Variants in NCBP3 observed in about 807,000 individuals in gnomAD.
The protein encoded by NCBP3 is nuclear cap-binding protein subunit 3.
A neutral mutation model predicts 75.7 loss-of-function variants in NCBP3; 20 were observed. The observed-to-expected ratio is 0.26, with a 90% CI of 0.19 to 0.38. The LOEUF (loss-of-function observed/expected upper bound fraction) is 0.38, where lower values mean the gene tolerates loss of function less well. Ranked by LOEUF, NCBP3 falls within the 10% of genes least tolerant of loss-of-function variation. The probability of loss-of-function intolerance (pLI) is 1.00; values close to 1 mark genes in which losing one functional copy is unlikely to be tolerated. For missense variants in NCBP3, 678 were observed against 796.9 expected (o/e 0.85, Z 1.80); for synonymous variants, 293 against 290.5 (o/e 1.01, Z -0.09).
At chr17:3,845,238 T>C (rs1597419776) in intron 1 of NCBP3, among the ~76,000 whole-genome samples, 1 of 152,228 alleles carries the variant, frequency 6.6e-6, no homozygotes, top group South Asian at 2.1e-4. Flanking sequence ...CTAGCGATCA[T>C]ACTTTAACCT....
Position 3,803,478 on chromosome 17 carries a change from T to G in NCBP3, c.*9566A>C, listed in dbSNP as rs149729305. 2.6e-3 allele frequency: 391 copies of G among 152,340 alleles called. No homozygotes were observed. Among genetic ancestry groups the G allele is most frequent in the African/African-American group, 8.9e-3 (370 of 41,566 alleles). 9.4% of individuals were successfully genotyped at this position (152,340 alleles called of 1,614,324 possible). A position where few individuals can be genotyped will look rare whatever the true frequency, so the allele number is the denominator to read the frequency against. ...TTACACATTTCCTGAATTTGAGAAC[T>G]GTACCATGGGCATGTGAGAGGCTGT... On this transcript the variant is annotated 3_prime_UTR_variant, in exon 13 of 13. Transcript: ENST00000389005.
chr17:3,814,525 T>C (rs768403223), intron 11 of NCBP3, 42 bp from the exon 12 acceptor site: 1 of 1,606,034 alleles, frequency 6.2e-7, no homozygotes, highest in East Asian at 2.2e-5. Context: ...GTGTGTGTGC[T>C]TTATGCTCGG....
intron 3 of NCBP3, among the ~76,000 whole-genome samples, chr17:3,835,623 C>T (rs974078830): frequency 6.6e-6 from 1 of 152,230 alleles, no homozygotes; most frequent in African/African-American, 2.4e-5. Context: ...AATAAAGTTG[C>T]CTGTCTCATA....
intron 1 of NCBP3, among the ~76,000 whole-genome samples, chr17:3,845,489 G>A (rs1380372018): frequency 2.6e-5 from 4 of 151,954 alleles, no homozygotes; most frequent in Non-Finnish European, 5.9e-5. Flanking sequence ...CACGGTGTAG[G>A]TGTCACTGGA....
At chr17:3,814,267 A>G in intron 12 of NCBP3, 55 bp downstream of exon 12, 1 of 1,569,100 alleles carries the variant, frequency 6.4e-7, no homozygotes, top group Admixed American at 1.8e-5. Context: ...CAATACACCC[A>G]CTGTCCTCTG....
intron 4 of NCBP3, among the ~76,000 whole-genome samples, chr17:3,826,785 A>G (rs1030410178): frequency 4.6e-5 from 7 of 152,006 alleles, no homozygotes; most frequent in Admixed American, 3.9e-4. Flanking sequence ...AGGCCGAGCC[A>G]GGCGGATCAC....
intron 6 of NCBP3, 77 bp downstream of exon 6, chr17:3,825,690 T>G: frequency 1.9e-6 from 2 of 1,032,564 alleles, no homozygotes; most frequent in Non-Finnish European, 2.9e-6. Flanking sequence ...CGTAACTAAG[T>G]CTTTAAGGCT....
chr17:3,840,285 G>A (rs1289857457), intron 2 of NCBP3, 80 bp from the exon 3 acceptor site: 16 of 1,131,366 alleles, frequency 1.4e-5, no homozygotes, highest in Admixed American at 2.1e-5. Flanking sequence ...ATGCATCAGT[G>A]ACAAACCTGA....
chr17:3,826,998 C>A (rs1038644352), intron 4 of NCBP3, among the ~76,000 whole-genome samples: 2 of 130,150 alleles, frequency 1.5e-5, no homozygotes, highest in East Asian at 2.2e-4. Flanking sequence ...GGCGACAGAG[C>A]GAGACTCTGT....
At position 3,840,855 on chromosome 17, in the gene NCBP3, C is replaced by T. The variant is rs1597415596; in HGVS notation, c.250-650G>A. ...TGTCCACGGAATCACCAGTTTTCAT[C>T]TCTAAGTGATAAGAACCATTGACAC... On this transcript the variant is annotated intron_variant, in intron 2 of 12. Coordinates refer to ENST00000389005, the MANE Select transcript of NCBP3 (RefSeq NM_001114118.3). Among the ~76,000 whole-genome samples, 3 of 152,364 alleles carry T rather than the reference C, an allele frequency of 2.0e-5. No individual in the cohort carries two copies. In the South Asian group the frequency reaches 6.2e-4, roughly 32 times the overall value.
At chr17:3,824,030 A>AG (rs1441438339) in intron 7 of NCBP3, 3 of 152,178 alleles carry the variant, frequency 2.0e-5, no homozygotes, top group Non-Finnish European at 4.4e-5. Flanking sequence ...TTTCAGCTTA[A>AG]GGGGGACTAA....
chr17:3,813,090 A>G lies in NCBP3; in HGVS notation c.1817T>C (p.Ile606Thr). ...AGAGCTGCTTTCCCGACTAACTTCA[A>G]TCTGGAGAGATGGTAAGTTATCTAA... Reference protein sequence around the residue: ...SRLDNLPSLQIEVSRESSSGS... With the variant: ...SRLDNLPSLQTEVSRESSSGS... Residue 606 changes from isoleucine to threonine, a missense_variant, in exon 13 of 13, where the codon ATT becomes ACT. Physicochemically the swap from Ile to Thr is moderately conservative, Grantham distance 89. Transcript: ENST00000389005. The G allele has an allele frequency of 6.2e-7, 1 of 1,614,168 alleles. No individual in the cohort carries two copies. Among genetic ancestry groups the G allele is most frequent in the Non-Finnish European group, 8.5e-7 (1 of 1,180,002 alleles).
At chr17:3,823,096 A>G (rs1332224700) in intron 7 of NCBP3, among the ~76,000 whole-genome samples, 5 of 152,120 alleles carry the variant, frequency 3.3e-5, no homozygotes, top group Admixed American at 1.3e-4. Context: ...GGCGGATCAC[A>G]AGGTCAAGAG....
At position 3,825,176 on chromosome 17, in the gene NCBP3, C is replaced by T. The variant is rs1474886531; in HGVS notation, c.688-126G>A. Reference sequence around the variant, plus strand: ...TACAAGCATTATAGCACTAGTTCCGCTGTAGAATTTCTAACTCAGAGATTT... The same window carrying T: ...TACAAGCATTATAGCACTAGTTCCGTTGTAGAATTTCTAACTCAGAGATTT... On this transcript the variant is annotated intron_variant, in intron 6 of 12. Coordinates refer to ENST00000389005, the MANE Select transcript of NCBP3 (RefSeq NM_001114118.3). The T allele has an allele frequency of 1.9e-5, 10 of 538,794 alleles. No individual in the cohort carries two copies. In the Admixed American group the frequency reaches 3.2e-4, roughly 17 times the overall value. 33.4% of individuals were successfully genotyped at this position (538,794 alleles called of 1,614,324 possible). A position where few individuals can be genotyped will look rare whatever the true frequency, so the allele number is the denominator to read the frequency against.
At position 3,846,025 on chromosome 17, in the gene NCBP3, C is replaced by T; in HGVS notation, c.183+16G>A. On this transcript the variant is annotated intron_variant, in intron 1 of 12. Transcript: ENST00000389005. This position sits in a 1 kb window ranked among gnomAD's most constrained non-coding sequence, Gnocchi z 4.6. Reference sequence around the variant, plus strand: ...GCCCCGCGACCTCTTCCTTACCCCCCGACCCCCGCCCGTACCGGGATCAGT... The same window carrying T: ...GCCCCGCGACCTCTTCCTTACCCCCTGACCCCCGCCCGTACCGGGATCAGT... 1 of 1,545,022 alleles carries T rather than the reference C, an allele frequency of 6.5e-7. No individual in the cohort carries two copies. The highest frequency in any genetic ancestry group is 8.7e-7 in the Non-Finnish European group (1 of 1,144,032).
At chr17:3,828,552 C>A (rs1342783232) in intron 4 of NCBP3, among the ~76,000 whole-genome samples, 1 of 152,028 alleles carries the variant, frequency 6.6e-6, no homozygotes, top group Non-Finnish European at 1.5e-5. Flanking sequence ...AGCCAGCTGG[C>A]AGCAAGTAAA....
chr17:3,835,809 T>C (rs1185817003), intron 3 of NCBP3, among the ~76,000 whole-genome samples: 1 of 152,226 alleles, frequency 6.6e-6, no homozygotes, highest in Non-Finnish European at 1.5e-5. Flanking sequence ...TTTTTGACAC[T>C]GAATCGTTCA....
intron 10 of NCBP3, among the ~76,000 whole-genome samples, chr17:3,817,765 T>C (rs1479849037): frequency 3.3e-5 from 5 of 152,062 alleles, no homozygotes; most frequent in South Asian, 4.1e-4. Context: ...TGTAAGAAAA[T>C]AGAAACCTAA....
At chr17:3,845,942 T>G in intron 1 of NCBP3, 99 bp downstream of exon 1, 1 of 1,363,246 alleles carries the variant, frequency 7.3e-7, no homozygotes, top group Non-Finnish European at 9.9e-7. Context: ...CTCCCTTGAC[T>G]TCCCCGGCTG....
Sources: allele counts gnomAD v4.1 joint callset (sites outside exome capture counted in the v4.1 genomes callset), GRCh38; gene constraint gnomAD v4.1.1; non-coding constraint Gnocchi (gnomAD v3.1); transcripts MANE v1.5; gene names NCBI Gene and HGNC (gene_info 2026-07-23, HGNC 2026-07-21).